MACF1: variants seen among roughly 807,000 people sequenced by gnomAD.
The protein encoded by MACF1 is microtubule-actin cross-linking factor 1.
In MACF1, 193 loss-of-function variants were observed where a neutral mutation model predicts 854.8. The ratio of observed to expected loss-of-function variants is 0.23; its 90% CI spans 0.20 to 0.25. The LOEUF is 0.25. MACF1 is among the 10% of genes least tolerant of loss of function. MACF1 has a pLI of 1.00. For synonymous variants in MACF1, 3,185 were observed against 3,226.7 expected, an observed-to-expected ratio of 0.99 and a Z score of 0.44; for missense variants, 7,722 against 8,929.1, an observed-to-expected ratio of 0.86 and a Z score of 5.45.
chr1:39,356,207 A>G (rs1440928708), intron 44 of MACF1, among the ~76,000 whole-genome samples: 1 of 152,210 alleles, frequency 6.6e-6, no homozygotes, highest in East Asian at 1.9e-4. Flanking sequence ...AAGAAGGTCT[A>G]TGTATAAGCA....
intron 53 of MACF1, among the ~76,000 whole-genome samples, chr1:39,378,775 A>G (rs1649932975): frequency 6.6e-6 from 1 of 152,218 alleles, no homozygotes; most frequent in South Asian, 2.1e-4. Context: ...AAGGAACTCA[A>G]AGAAAATATA....
chr1:39,436,462 G>A, intron 70 of MACF1: 1 of 1,613,754 alleles, frequency 6.2e-7, no homozygotes, highest in Non-Finnish European at 8.5e-7. Context: ...TTGTTGTGTT[G>A]ACCGCGCCCA....
intron 70 of MACF1, 175 bp downstream of exon 70, chr1:39,435,936 A>T: frequency 1.7e-6 from 1 of 603,748 alleles, no homozygotes; most frequent in Non-Finnish European, 2.9e-6. Context: ...GAACATTGGC[A>T]TACTGACATT....
intron 2 of MACF1, among the ~76,000 whole-genome samples, chr1:39,096,363 A>C (rs1447697833): frequency 2.0e-5 from 3 of 151,836 alleles, no homozygotes; most frequent in Non-Finnish European, 2.9e-5. Context: ...AGAAGTTATG[A>C]GCCAGGAACT....
rs114399275 is a variant in MACF1 at position 39,441,488 on chromosome 1, A to C, written c.18672+163A>C. On this transcript the variant is annotated intron_variant, in intron 74 of 100. Coordinates refer to ENST00000564288, the MANE Select transcript of MACF1 (RefSeq NM_001394062.1). ...GCCAAAGTTCCCCACTTGTAGTGAA[A>C]AAAGTAGCGACATCTGTCTGAATTC... Among the ~76,000 whole-genome samples, 1,157 of 152,362 alleles carry C rather than the reference A, an allele frequency of 7.6e-3. 10 individuals are homozygous for C. The highest frequency in any genetic ancestry group is 0.017 in the Middle Eastern group (5 of 294).
chr1:39,483,725 C>T (rs1557678481), intron 99 of MACF1, among the ~76,000 whole-genome samples: 1 of 152,188 alleles, frequency 6.6e-6, no homozygotes, highest in Non-Finnish European at 1.5e-5. Flanking sequence ...CAGACTTGTT[C>T]CTGATGTCTC....
At chr1:39,360,191 A>G (rs1355729097) in intron 47 of MACF1, among the ~76,000 whole-genome samples, 3 of 151,014 alleles carry the variant, frequency 2.0e-5, no homozygotes, top group Non-Finnish European at 4.4e-5. Flanking sequence ...GAGGTAATGC[A>G]TATGTTAAAT....
At chr1:39,360,144 T>C (rs528667382) in intron 47 of MACF1, among the ~76,000 whole-genome samples, 17 of 148,742 alleles carry the variant, frequency 1.1e-4, no homozygotes, top group Non-Finnish European at 2.4e-4. Flanking sequence ...GAGAGTATAT[T>C]TTAAGTGTTT....
chr1:39,121,833 GA>G (rs1642723328), intron 2 of MACF1, among the ~76,000 whole-genome samples: 1 of 152,152 alleles, frequency 6.6e-6, no homozygotes, highest in Non-Finnish European at 1.5e-5. Context: ...GAGGCTTAAG[GA>G]ACCTAAATCA....
At chr1:39,133,283 G>T (rs895417783) in intron 2 of MACF1, among the ~76,000 whole-genome samples, 1 of 152,202 alleles carries the variant, frequency 6.6e-6, no homozygotes, top group African/African-American at 2.4e-5. Context: ...ACAGCCACTT[G>T]TTTTCCTAGC....
intron 49 of MACF1, 71 bp from the exon 50 acceptor site, chr1:39,368,077 T>C: frequency 7.6e-7 from 1 of 1,313,984 alleles, no homozygotes. Context: ...GCATACCTCT[T>C]TCCTTATTCC....
chr1:39,201,311 G>GT (rs1345638066), upstream of MACF1, among the ~76,000 whole-genome samples: 1 of 152,042 alleles, frequency 6.6e-6, no homozygotes, highest in East Asian at 1.9e-4. Context: ...TGGTTTCCCT[G>GT]TACCCACTCT....
chr1:39,203,463 C>G (rs1249018320), upstream of MACF1, among the ~76,000 whole-genome samples: 2 of 152,190 alleles, frequency 1.3e-5, no homozygotes, highest in Admixed American at 1.3e-4. Context: ...CCTCAGCCTC[C>G]TGAAGTGCAG....
In MACF1 at chr1:39,441,256, A is replaced by G. The variant is rs1435181697; in HGVS notation, c.18603A>G (p.Thr6201=). The change falls in exon 74 of 101, where the codon ACA becomes ACG. Residue 6201 remains threonine, a synonymous_variant. Coordinates refer to ENST00000564288, the MANE Select transcript of MACF1 (RefSeq NM_001394062.1). ...ATGCTTGGGAGAACTTAAACAAAAC[A>G]TGGAAAGAGAGGCTAGAAAAACTTG... ...MNNAWENLNK[T]WKERLEKLED... 5 of 1,614,186 alleles carry G rather than the reference A, an allele frequency of 3.1e-6. No individual in the cohort carries two copies. Among genetic ancestry groups the G allele is most frequent in the African/African-American group, 1.3e-5 (1 of 75,060 alleles).
intron 33 of MACF1, among the ~76,000 whole-genome samples, chr1:39,323,309 C>T (rs939625310): frequency 6.6e-6 from 1 of 152,046 alleles, no homozygotes; most frequent in Non-Finnish European, 1.5e-5. Flanking sequence ...CCACTGCACT[C>T]CAGCCTGGGC....
At chr1:39,272,987 A>C (rs1645353659) in intron 6 of MACF1, among the ~76,000 whole-genome samples, 1 of 152,204 alleles carries the variant, frequency 6.6e-6, no homozygotes, top group South Asian at 2.1e-4. Flanking sequence ...GCTGCTTTCA[A>C]TATCCATACT....
Position 39,283,477 on chromosome 1 carries a change from C to T in MACF1, c.877C>T (p.Pro293Ser). Residue 293 changes from proline to serine, a missense_variant, in exon 9 of 101, where the codon CCT becomes TCT. Physicochemically the swap from Pro to Ser is moderately conservative, Grantham distance 74 (BLOSUM62 -1). Coordinates refer to ENST00000564288, the MANE Select transcript of MACF1 (RefSeq NM_001394062.1). The surrounding 1 kb of genome is among the most constrained non-coding windows in gnomAD (Gnocchi z 4.5). Reference sequence around the variant, plus strand: ...TGTGTCTTCGATTTATGATGCCTTCCCTAAAGTTCCTGAGGGTGGAGAAGG... The same window carrying T: ...TGTGTCTTCGATTTATGATGCCTTCTCTAAAGTTCCTGAGGGTGGAGAAGG... Reference protein sequence around the residue: ...TYVSSIYDAFPKVPEGGEGIS... With the variant: ...TYVSSIYDAFSKVPEGGEGIS... The T allele has an allele frequency of 6.2e-7, 1 of 1,611,950 alleles. No individual in the cohort carries two copies. Among genetic ancestry groups the T allele is most frequent in the Non-Finnish European group, 8.5e-7 (1 of 1,178,122 alleles).
intron 2 of MACF1, among the ~76,000 whole-genome samples, chr1:39,098,905 G>T (rs1377153429): frequency 6.6e-6 from 1 of 152,204 alleles, no homozygotes; most frequent in Non-Finnish European, 1.5e-5. Context: ...GCTTAGAAAA[G>T]GTTTCTAGGA....
chr1:39,093,482 ATTTTTTTTT>A (rs35211687), intron 2 of MACF1, among the ~76,000 whole-genome samples: 1 of 104,300 alleles, frequency 9.6e-6, no homozygotes, highest in Non-Finnish European at 1.9e-5. Flanking sequence ...CGCCTGGCTA[ATTTTTTTTT>A]TTTTTTTTTT....
Sources: allele counts gnomAD v4.1 joint callset (sites outside exome capture counted in the v4.1 genomes callset), GRCh38; gene constraint gnomAD v4.1.1; non-coding constraint Gnocchi (gnomAD v3.1); transcripts MANE v1.5; gene names NCBI Gene and HGNC (gene_info 2026-07-23, HGNC 2026-07-21).